RAB14: variants seen among roughly 807,000 people sequenced by gnomAD.
The protein encoded by RAB14 is RAB14, member RAS oncogene family.
In RAB14, 3 loss-of-function variants were observed where a neutral mutation model predicts 31.1. That is an observed-to-expected ratio of 0.10 (90% confidence interval 0.04 to 0.25). The LOEUF (loss-of-function observed/expected upper bound fraction) is 0.25, where lower values mean the gene tolerates loss of function less well. Ranked by LOEUF, RAB14 falls within the 10% of genes least tolerant of loss-of-function variation. The pLI is 1.00. For synonymous variants in RAB14, 85 were observed against 84.9 expected, an observed-to-expected ratio of 1.00 and a Z score of 0.00; for missense variants, 111 against 260.1, an observed-to-expected ratio of 0.43 and a Z score of 3.94.
intron 4 of RAB14, among the ~76,000 whole-genome samples, chr9:121,188,327 C>A (rs1344264673): frequency 6.6e-6 from 1 of 151,906 alleles, no homozygotes; most frequent in Admixed American, 6.6e-5. Context: ...AACATTTCTA[C>A]TGACTTTGAT....
At chr9:121,184,176 T>G (rs2053647881) in intron 5 of RAB14, among the ~76,000 whole-genome samples, 2 of 152,088 alleles carry the variant, frequency 1.3e-5, no homozygotes, top group Admixed American at 1.3e-4. Flanking sequence ...TAGAAAGGAT[T>G]GAGTTTATAG....
At chr9:121,189,053 T>G (rs948581920) in intron 4 of RAB14, among the ~76,000 whole-genome samples, 3 of 152,114 alleles carry the variant, frequency 2.0e-5, no homozygotes, top group Admixed American at 2.0e-4. Context: ...ACAGTATGTG[T>G]CTCTTAGTGT....
At chr9:121,186,539 T>C (rs1257311088) in intron 5 of RAB14, among the ~76,000 whole-genome samples, 2 of 152,170 alleles carry the variant, frequency 1.3e-5, no homozygotes, top group African/African-American at 2.4e-5. Flanking sequence ...TCTCCTCCTG[T>C]AGTTGAAATT....
At chr9:121,189,308 AC>A (rs1285917626) in intron 4 of RAB14, among the ~76,000 whole-genome samples, 2 of 152,166 alleles carry the variant, frequency 1.3e-5, no homozygotes, top group Non-Finnish European at 2.9e-5. Context: ...AAAAGCAAAA[AC>A]AATATTCTTA....
chr9:121,195,152 A>G (rs1048219216), intron 1 of RAB14, among the ~76,000 whole-genome samples: 27 of 152,124 alleles, frequency 1.8e-4, no homozygotes, highest in African/African-American at 6.3e-4. Context: ...TATTTACCTG[A>G]TCTCTGAACC....
chr9:121,199,643 A>T (rs1052280535), intron 1 of RAB14, among the ~76,000 whole-genome samples: 21 of 152,268 alleles, frequency 1.4e-4, no homozygotes, highest in Admixed American at 1.1e-3. Flanking sequence ...TGTAATACAA[A>T]AAAAGCAACA....
At chr9:121,199,916 C>G (rs1225631328) in intron 1 of RAB14, among the ~76,000 whole-genome samples, 1 of 152,226 alleles carries the variant, frequency 6.6e-6, no homozygotes, top group Non-Finnish European at 1.5e-5. Flanking sequence ...ATACTCCTCT[C>G]TCATTCATTC....
chr9:121,179,562 GTCC>G lies in RAB14; in HGVS notation c.*1831_*1833del, dbSNP rs1272771614. 9.2e-5 allele frequency: 14 copies of G among 152,618 alleles called. No individual in the cohort carries two copies. Among genetic ancestry groups the G allele is most frequent in the Admixed American group, 7.9e-4 (12 of 15,276 alleles). The allele number at this position is 152,618 out of a possible 1,614,324, so 9.5% of individuals were successfully genotyped here. ...CCAGCAGGTCATGGTCCCTGGGTGA[GTCC>G]CTTGTGATGCAACAGTGTAAGCAAA... On this transcript the variant is annotated 3_prime_UTR_variant, in exon 8 of 8. Transcript: ENST00000373840.
intron 3 of RAB14, among the ~76,000 whole-genome samples, 200 bp downstream of exon 3, chr9:121,191,971 C>G (rs2053689361): frequency 6.6e-6 from 1 of 152,004 alleles, no homozygotes; most frequent in African/African-American, 2.4e-5. Context: ...ACAAGCAAAT[C>G]AGATTATATA....
chr9:121,197,094 T>C (rs1003471196), intron 1 of RAB14, among the ~76,000 whole-genome samples: 2 of 152,184 alleles, frequency 1.3e-5, no homozygotes, highest in African/African-American at 2.4e-5. Flanking sequence ...ATTTCAGGTA[T>C]GTACAGGTAG....
chr9:121,200,411 A>C (rs1047461137), intron 1 of RAB14, among the ~76,000 whole-genome samples: 1 of 152,250 alleles, frequency 6.6e-6, no homozygotes, highest in African/African-American at 2.4e-5. Flanking sequence ...ATGAGCAGTA[A>C]ACTTTGCAAG....
At position 121,194,090 on chromosome 9, in the gene RAB14, TCACTCACACACACACACA is replaced by T. The variant is rs1268675536; in HGVS notation, c.-7-689_-7-672del. Among the ~76,000 whole-genome samples the T allele has an allele frequency of 1.2e-4, 17 of 141,400 alleles. No homozygotes were observed. In the East Asian group the frequency reaches 3.6e-3, roughly 30 times the overall value. 92.8% of individuals were successfully genotyped at this position (141,400 alleles called of 152,430 possible). The stretch of plus-strand genomic sequence containing the variant: ...AACCTAATACAGGACTTGCAGATTA[TCACTCACACACACACACA>T]CACACACACACACACACACACATTT... On this transcript the variant is annotated intron_variant, in intron 1 of 7. Coordinates refer to ENST00000373840, the MANE Select transcript of RAB14 (RefSeq NM_016322.4).
rs768753872 is a variant in RAB14, at chr9:121,181,480, A to G, written c.564T>C (p.Ser188=). Residue 188 remains serine, a synonymous_variant, in exon 8 of 8, where the codon TCT becomes TCC. Transcript: ENST00000373840. ...GGGCTGAAGGTTTGTGTTGTACACC[A>G]GACTCAGCAGCATTCAGATCCAAGC... The part of the protein sequence containing the change: ...DGSLDLNAAE[S]GVQHKPSAPQ... 4 of 1,613,698 alleles carry G rather than the reference A, an allele frequency of 2.5e-6. No homozygotes were observed. The African/African-American group carries it at 5.3e-5, about 22-fold the overall frequency.
At chr9:121,187,856 T>C (rs1205162858) in intron 4 of RAB14, among the ~76,000 whole-genome samples, 1 of 152,086 alleles carries the variant, frequency 6.6e-6, no homozygotes, top group African/African-American at 2.4e-5. Flanking sequence ...TTAGTCTATC[T>C]TACTCGTTTA....
At chr9:121,201,058 A>G (rs1435106901) in intron 1 of RAB14, among the ~76,000 whole-genome samples, 1 of 151,506 alleles carries the variant, frequency 6.6e-6, no homozygotes, top group East Asian at 1.9e-4. Flanking sequence ...ACAGACCCAG[A>G]CCCCGGCCCC....
At chr9:121,191,580 T>C (rs2053687027) in intron 3 of RAB14, among the ~76,000 whole-genome samples, 1 of 152,128 alleles carries the variant, frequency 6.6e-6, no homozygotes, top group East Asian at 1.9e-4. Context: ...GTCCTTTCCT[T>C]ATAATGAGGC....
intron 5 of RAB14, among the ~76,000 whole-genome samples, chr9:121,186,518 T>G (rs1021913790): frequency 2.0e-5 from 3 of 152,168 alleles, no homozygotes; most frequent in Non-Finnish European, 2.9e-5. Context: ...ACTGAAATTT[T>G]TATCCTTAAT....
intron 1 of RAB14, among the ~76,000 whole-genome samples, chr9:121,200,694 G>C (rs1437997238): frequency 3.3e-5 from 5 of 152,184 alleles, no homozygotes; most frequent in South Asian, 2.1e-4. Flanking sequence ...CCTAATTTTT[G>C]AATGTAGTAC....
At chr9:121,192,564 T>C (rs979570337) in intron 2 of RAB14, among the ~76,000 whole-genome samples, 1 of 152,022 alleles carries the variant, frequency 6.6e-6, no homozygotes. Context: ...AACTCATGCA[T>C]AAAAGCAACA....
Sources: gnomAD v4.1 joint callset for allele counts (sites outside exome capture counted in the v4.1 genomes callset) on GRCh38, gnomAD v4.1.1 for gene constraint, MANE v1.5 for transcripts, NCBI Gene and HGNC (gene_info 2026-07-23, HGNC 2026-07-21) for gene names.